The following CTTNBP2 variants were observed in gnomAD, a reference collection of about 807,000 sequenced individuals.
The protein encoded by CTTNBP2 is cortactin binding protein 2.
In CTTNBP2, 108 loss-of-function variants were observed where a neutral mutation model predicts 156.9. That is an observed-to-expected ratio of 0.69 (90% CI 0.59 to 0.81). The LOEUF is 0.81. Among genes scored for constraint, CTTNBP2 ranks in the 30% least tolerant of loss-of-function variants. The pLI is 0.00. For synonymous variants in CTTNBP2, 767 were observed against 751.8 expected (o/e 1.02, Z -0.33); for missense variants, 1,924 against 2,035.4 (o/e 0.95, Z 1.05).
At chr7:117,797,375 A>G (rs1384383350) in intron 3 of CTTNBP2, among the ~76,000 whole-genome samples, 4 of 152,236 alleles carry the variant, frequency 2.6e-5, no homozygotes, top group Admixed American at 2.6e-4. Context: ...CAGAATCCAG[A>G]GTCTGCAACA....
At chr7:117,771,088 C>A (rs1035838301) in intron 8 of CTTNBP2, among the ~76,000 whole-genome samples, 24 of 152,090 alleles carry the variant, frequency 1.6e-4, no homozygotes, top group African/African-American at 5.6e-4. Context: ...TGTCTTTATG[C>A]TGGGTGCCCA....
At chr7:117,824,777 A>G (rs1020995234) in intron 2 of CTTNBP2, among the ~76,000 whole-genome samples, 1 of 152,208 alleles carries the variant, frequency 6.6e-6, no homozygotes, top group Non-Finnish European at 1.5e-5. Flanking sequence ...CCTTCACTTC[A>G]ACGCCTAGGT....
chr7:117,872,382 C>A (rs1024143861), intron 1 of CTTNBP2, among the ~76,000 whole-genome samples: 7 of 152,194 alleles, frequency 4.6e-5, no homozygotes, highest in Non-Finnish European at 1.0e-4. Flanking sequence ...GCAGCCAGAT[C>A]TGGCCAAGAG....
At chr7:117,773,190 C>T (rs962387189) in intron 8 of CTTNBP2, among the ~76,000 whole-genome samples, 9 of 152,156 alleles carry the variant, frequency 5.9e-5, no homozygotes, top group African/African-American at 1.4e-4. Context: ...CATGCGACAA[C>T]GAATAACTTT....
At chr7:117,785,665 TA>T (rs1391417259) in intron 4 of CTTNBP2, among the ~76,000 whole-genome samples, 6 of 152,354 alleles carry the variant, frequency 3.9e-5, no homozygotes, top group South Asian at 2.1e-4. Context: ...GATTACTTTT[TA>T]CTAGCTGCAG....
intron 1 of CTTNBP2, among the ~76,000 whole-genome samples, chr7:117,867,880 T>C (rs1346672997): frequency 1.3e-5 from 2 of 152,114 alleles, no homozygotes; most frequent in Non-Finnish European, 2.9e-5. Flanking sequence ...CTCAGTGTAT[T>C]GAAAGGAGGT....
At chr7:117,753,832 T>C (rs998495338) in intron 12 of CTTNBP2, among the ~76,000 whole-genome samples, 1 of 152,152 alleles carries the variant, frequency 6.6e-6, no homozygotes, top group Non-Finnish European at 1.5e-5. Context: ...ATCTAGATGA[T>C]GGGATGATCT....
intron 16 of CTTNBP2, among the ~76,000 whole-genome samples, chr7:117,732,248 G>A (rs1795441333): frequency 6.6e-6 from 1 of 152,066 alleles, no homozygotes; most frequent in African/African-American, 2.4e-5. Flanking sequence ...CCTAAAGGGA[G>A]TAATTCTTTT....
chr7:117,783,025 T>C, intron 5 of CTTNBP2, 64 bp from the exon 6 acceptor site: 2 of 1,159,878 alleles, frequency 1.7e-6, no homozygotes, highest in Non-Finnish European at 1.3e-6. Context: ...CCAAATTCTA[T>C]ACAAGCTGTA....
intron 3 of CTTNBP2, among the ~76,000 whole-genome samples, chr7:117,809,023 T>G (rs188777714): frequency 6.6e-6 from 1 of 152,276 alleles, no homozygotes; most frequent in Admixed American, 6.5e-5. Context: ...GCCAATGAAG[T>G]TGGCTATAAA....
At chr7:117,775,942 T>G (rs1049517756) in intron 8 of CTTNBP2, among the ~76,000 whole-genome samples, 1 of 152,198 alleles carries the variant, frequency 6.6e-6, no homozygotes, top group African/African-American at 2.4e-5. Context: ...ACCTCCAGAC[T>G]GAATTGAATC....
At chr7:117,827,772 T>C (rs1245155160) in intron 2 of CTTNBP2, among the ~76,000 whole-genome samples, 1 of 152,232 alleles carries the variant, frequency 6.6e-6, no homozygotes, top group African/African-American at 2.4e-5. Context: ...AAAGGTAGTT[T>C]CTTGTCTACT....
At position 117,745,827 on chromosome 7, in the gene CTTNBP2, T is replaced by A; in HGVS notation, c.3535+4A>T. On this transcript the variant is annotated splice_donor_region_variant and intron_variant, in intron 14 of 22. Coordinates refer to ENST00000160373, the MANE Select transcript of CTTNBP2 (RefSeq NM_033427.3). ...TCACAGGCAATTTGCTGAAATGTTC[T>A]TACCGCTACTAATGAACAGGTCTAG... 2 of 1,604,952 alleles carry A rather than the reference T, an allele frequency of 1.2e-6. No homozygotes were observed. The highest frequency in any genetic ancestry group is 1.7e-6 in the Non-Finnish European group (2 of 1,171,636).
Position 117,711,393 on chromosome 7 carries a change from C to CAA in CTTNBP2, c.*142_*143dup. ...ATGTTGGTTATAAATACATTCTTTA[C>CAA]AAAAAAAAATTGAATAGTGGTCCCG... On this transcript the variant is annotated 3_prime_UTR_variant, in exon 23 of 23. Transcript: ENST00000160373. 3 of 843,840 alleles carry CAA rather than the reference C, an allele frequency of 3.6e-6. No homozygotes were observed. Among genetic ancestry groups the CAA allele is most frequent in the East Asian group, 2.9e-5 (1 of 34,712 alleles). The allele number at this position is 843,840 out of a possible 1,614,324, so 52.3% of individuals were successfully genotyped here.
At chr7:117,758,129 GCT>G in intron 10 of CTTNBP2, 159 bp from the exon 11 acceptor site, 1 of 567,454 alleles carries the variant, frequency 1.8e-6, no homozygotes, top group Non-Finnish European at 3.1e-6. Flanking sequence ...CAAGGGGTTA[GCT>G]CCCTAATGAA....
chr7:117,767,512 T>C (rs1797548347), intron 8 of CTTNBP2, among the ~76,000 whole-genome samples: 1 of 152,220 alleles, frequency 6.6e-6, no homozygotes, highest in Non-Finnish European at 1.5e-5. Flanking sequence ...CATTCTCCTT[T>C]TATGGTAATT....
chr7:117,756,166 C>T (rs1275173247), intron 12 of CTTNBP2, among the ~76,000 whole-genome samples: 5 of 152,192 alleles, frequency 3.3e-5, no homozygotes, highest in African/African-American at 7.2e-5. Context: ...AACCTTCTCA[C>T]TAATGCTAGC....
At chr7:117,725,013 G>T in intron 18 of CTTNBP2, 39 bp downstream of exon 18, 1 of 1,555,394 alleles carries the variant, frequency 6.4e-7, no homozygotes, top group South Asian at 1.1e-5. Flanking sequence ...ATTTCACAAG[G>T]GTGTGAATTT....
chr7:117,760,869 G>A (rs1797172750), intron 9 of CTTNBP2, among the ~76,000 whole-genome samples, 159 bp from the exon 10 acceptor site: 1 of 152,070 alleles, frequency 6.6e-6, no homozygotes, highest in Admixed American at 6.6e-5. Context: ...TTACACTGGA[G>A]TAAACTTTTG....
Sources: allele counts gnomAD v4.1 joint callset (sites outside exome capture counted in the v4.1 genomes callset), GRCh38; gene constraint gnomAD v4.1.1; transcripts MANE v1.5; gene names NCBI Gene and HGNC (gene_info 2026-07-23, HGNC 2026-07-21).